The following MLLT10 variants were observed in gnomAD, a reference collection of about 807,000 sequenced individuals.
MLLT10 encodes the protein protein AF-10.
In MLLT10, 30 loss-of-function variants were observed where a neutral mutation model predicts 129.1. That is an observed-to-expected ratio of 0.23 (90% CI 0.17 to 0.32). MLLT10 has a LOEUF of 0.32. Ranked by LOEUF, MLLT10 falls within the 10% of genes least tolerant of loss-of-function variation. MLLT10 has a pLI of 1.00. For synonymous variants in MLLT10, 490 were observed against 446.4 expected (o/e 1.10, Z -1.23); for missense variants, 1,119 against 1,268.3 (o/e 0.88, Z 1.79).
At chr10:21,541,422 G>T (rs1356332398) in intron 3 of MLLT10, 2 of 151,932 alleles carry the variant, frequency 1.3e-5, no homozygotes, top group Non-Finnish European at 2.9e-5. Context: ...GTCTCGCTCT[G>T]TCGCCCTGGC....
intron 3 of MLLT10, among the ~76,000 whole-genome samples, chr10:21,565,959 T>C (rs1196771118): frequency 7.0e-6 from 1 of 142,004 alleles, no homozygotes; most frequent in Non-Finnish European, 1.5e-5. Flanking sequence ...TTTTTTTTTT[T>C]TTTTTTTTTT....
intron 8 of MLLT10, among the ~76,000 whole-genome samples, chr10:21,645,835 A>G (rs891876939): frequency 2.0e-5 from 3 of 152,162 alleles, no homozygotes; most frequent in African/African-American, 7.2e-5. Context: ...AAATAGTCCT[A>G]TACCTGTTCT....
chr10:21,544,737 T>G (rs565720447), intron 3 of MLLT10, among the ~76,000 whole-genome samples: 92 of 152,324 alleles, frequency 6.0e-4, no homozygotes, highest in Non-Finnish European at 1.2e-3. Flanking sequence ...AGGTGCTCAC[T>G]CATTAATGGT....
chr10:21,605,286 G>A (rs1004708230), intron 5 of MLLT10, among the ~76,000 whole-genome samples: 1 of 152,066 alleles, frequency 6.6e-6, no homozygotes, highest in African/African-American at 2.4e-5. Flanking sequence ...GCTTGCTGCC[G>A]CTGCCCAGCA....
At chr10:21,596,277 A>G (rs2043010991) in intron 5 of MLLT10, among the ~76,000 whole-genome samples, 2 of 152,104 alleles carry the variant, frequency 1.3e-5, no homozygotes, top group African/African-American at 4.8e-5. Flanking sequence ...GTTTTCGCTT[A>G]TATTTTTTCT....
intron 13 of MLLT10, among the ~76,000 whole-genome samples, chr10:21,692,893 T>C (rs1191217959): frequency 6.6e-6 from 1 of 152,188 alleles, no homozygotes; most frequent in Non-Finnish European, 1.5e-5. Flanking sequence ...AAAACAAAAA[T>C]ATTCATGAAG....
intron 3 of MLLT10, chr10:21,541,403 T>C: frequency 6.6e-6 from 1 of 151,998 alleles, no homozygotes; most frequent in East Asian, 1.9e-4. Flanking sequence ...TAATTTTATT[T>C]TTGAGACAGT....
intron 3 of MLLT10, among the ~76,000 whole-genome samples, chr10:21,552,474 C>T (rs2037239076): frequency 6.7e-6 from 1 of 150,344 alleles, no homozygotes; most frequent in Non-Finnish European, 1.5e-5. Flanking sequence ...TCACTGCAAC[C>T]TTCACCTCCT....
rs2051717029 is a variant in MLLT10 at position 21,673,421 on chromosome 10, C to T, written c.1123C>T (p.Leu375=). ...GSSVQSPQDF[L]SFTDSDLRND... ...TTCAGTGCAGTCTCCCCAGGATTTC[C>T]TGAGCTTTACAGACTCAGATCTGCG... The change falls in exon 11 of 23, where the codon CTG becomes TTG. Residue 375 remains leucine, a synonymous_variant. Coordinates refer to ENST00000307729, the MANE Select transcript of MLLT10 (RefSeq NM_001195626.3). 1 of 1,605,934 alleles carries T rather than the reference C, an allele frequency of 6.2e-7. No homozygotes were observed. Among genetic ancestry groups the T allele is most frequent in the Non-Finnish European group, 8.5e-7 (1 of 1,176,486 alleles).
chr10:21,593,248 C>T (rs1256392532), intron 4 of MLLT10, among the ~76,000 whole-genome samples: 1 of 152,068 alleles, frequency 6.6e-6, no homozygotes, highest in Non-Finnish European at 1.5e-5. Context: ...GTGCATGCTG[C>T]CGCACCTGAC....
intron 9 of MLLT10, among the ~76,000 whole-genome samples, chr10:21,656,436 A>G (rs149596484): frequency 6.6e-6 from 1 of 152,312 alleles, no homozygotes; most frequent in East Asian, 1.9e-4. Flanking sequence ...AGTCAAGGGA[A>G]CTTTAATTCA....
chr10:21,580,440 G>A (rs2041282804), intron 3 of MLLT10, among the ~76,000 whole-genome samples: 1 of 148,984 alleles, frequency 6.7e-6, no homozygotes, highest in South Asian at 2.1e-4. Flanking sequence ...CCAGGCTGGA[G>A]TGCAGTGGCA....
At position 21,650,900 on chromosome 10, in the gene MLLT10, T is replaced by G. The variant is rs183767763; in HGVS notation, c.700-773T>G. 7.2e-5 allele frequency among the ~76,000 whole-genome samples: 11 copies of G among 152,318 alleles called. No homozygotes were observed. The East Asian group carries it at 2.1e-3, about 29-fold the overall frequency. Reference sequence around the variant, plus strand: ...TGAGTAAACCCAGGAAATAATTTTTTGCTGGAGTTTCTGTGCCTCTAGTTT... The same window carrying G: ...TGAGTAAACCCAGGAAATAATTTTTGGCTGGAGTTTCTGTGCCTCTAGTTT... On this transcript the variant is annotated intron_variant, in intron 8 of 22. Transcript: ENST00000307729.
chr10:21,624,617 TG>T, intron 8 of MLLT10: 1 of 1,423,594 alleles, frequency 7.0e-7, no homozygotes, highest in Non-Finnish European at 9.5e-7. Context: ...ATAAGTATCC[TG>T]ATAAAATTCC....
rs963379551 is a variant in MLLT10, at chr10:21,625,982, C to G, written c.699+8775C>G. 14 of 896,626 alleles carry G rather than the reference C, an allele frequency of 1.6e-5. No individual in the cohort carries two copies. In the Admixed American group the frequency reaches 2.4e-4, roughly 15 times the overall value. 55.5% of individuals were successfully genotyped at this position (896,626 alleles called of 1,614,324 possible). ...TCTAGGTTGCACACCAGAGTACACA[C>G]TGTTTGGTGGAGGCCCACCATACTT... On this transcript the variant is annotated intron_variant, in intron 8 of 22. Coordinates refer to ENST00000307729, the MANE Select transcript of MLLT10 (RefSeq NM_001195626.3).
upstream of MLLT10, among the ~76,000 whole-genome samples, chr10:21,534,014 G>GC (rs896731044): frequency 1.3e-5 from 2 of 151,692 alleles, no homozygotes; most frequent in Non-Finnish European, 2.9e-5. Flanking sequence ...TAACGTCCCC[G>GC]CCCCCGCGTG....
intron 8 of MLLT10, among the ~76,000 whole-genome samples, chr10:21,633,446 T>G (rs967350826): frequency 1.3e-5 from 2 of 152,206 alleles, no homozygotes; most frequent in Non-Finnish European, 2.9e-5. Context: ...GGCTTATGCA[T>G]GTAATCCCAG....
At chr10:21,553,774 C>T (rs1283463063) in intron 3 of MLLT10, among the ~76,000 whole-genome samples, 9 of 151,958 alleles carry the variant, frequency 5.9e-5, no homozygotes, top group Admixed American at 1.3e-4. Context: ...CTCAGCCTCC[C>T]GAGTAGCTGA....
At chr10:21,669,162 T>A (rs2051135709) in intron 9 of MLLT10, 2 of 1,055,064 alleles carry the variant, frequency 1.9e-6, no homozygotes, top group Admixed American at 7.5e-5. Flanking sequence ...GGATTGTAGT[T>A]TGTTAGAATA....
Sources: gnomAD v4.1 joint callset for allele counts (sites outside exome capture counted in the v4.1 genomes callset) on GRCh38, gnomAD v4.1.1 for gene constraint, MANE v1.5 for transcripts, NCBI Gene and HGNC (gene_info 2026-07-23, HGNC 2026-07-21) for gene names.